ITFG1: variants seen among roughly 807,000 people sequenced by gnomAD.
The protein encoded by ITFG1 is integrin alpha FG-GAP repeat containing 1, also known as T-cell immunomodulatory protein.
ITFG1 carries 34 observed loss-of-function variants against 81.8 expected under a neutral mutation model. That is an observed-to-expected ratio of 0.42 (90% CI 0.32 to 0.55). The LOEUF (loss-of-function observed/expected upper bound fraction) is 0.55, where lower values mean the gene tolerates loss of function less well. Ranked by LOEUF, ITFG1 falls within the 20% of genes least tolerant of loss-of-function variation. The pLI is 0.17. For missense variants in ITFG1, 672 were observed against 755.4 expected (o/e 0.89, Z 1.29); for synonymous variants, 285 against 270.6 (o/e 1.05, Z -0.52).
chr16:47,254,108 G>A (rs1245082214), intron 12 of ITFG1, among the ~76,000 whole-genome samples: 3 of 151,904 alleles, frequency 2.0e-5, no homozygotes, highest in Non-Finnish European at 4.4e-5. Context: ...GCATTATGAG[G>A]AGGTGAGGTC....
At chr16:47,338,998 A>G (rs1005684871) in intron 8 of ITFG1, among the ~76,000 whole-genome samples, 6 of 152,154 alleles carry the variant, frequency 3.9e-5, no homozygotes, top group African/African-American at 1.2e-4. Context: ...CACGATTTCC[A>G]TGAGTTCACA....
chr16:47,165,245 G>A (rs1228600548), intron 14 of ITFG1, among the ~76,000 whole-genome samples: 5 of 151,940 alleles, frequency 3.3e-5, no homozygotes, highest in South Asian at 2.1e-4. Flanking sequence ...ATATTCAAGG[G>A]GACTCTGCTA....
intron 6 of ITFG1, among the ~76,000 whole-genome samples, chr16:47,421,710 G>A (rs1008865745): frequency 2.0e-5 from 3 of 152,114 alleles, no homozygotes; most frequent in African/African-American, 7.2e-5. Context: ...TTAAGTTCTA[G>A]GGTACATGTG....
intron 10 of ITFG1, among the ~76,000 whole-genome samples, chr16:47,266,726 T>C (rs1440642804): frequency 1.3e-5 from 2 of 152,208 alleles, no homozygotes; most frequent in Admixed American, 6.5e-5. Context: ...AATGAAAACA[T>C]GGCTACACAG....
At chr16:47,460,331 C>T (rs1339057926) in intron 1 of ITFG1, among the ~76,000 whole-genome samples, 1 of 152,082 alleles carries the variant, frequency 6.6e-6, no homozygotes, top group Non-Finnish European at 1.5e-5. Flanking sequence ...GTGGCCTTGA[C>T]AAAGAAAGGG....
At chr16:47,305,278 G>T (rs1478566139) in intron 10 of ITFG1, among the ~76,000 whole-genome samples, 1 of 152,116 alleles carries the variant, frequency 6.6e-6, no homozygotes, top group Non-Finnish European at 1.5e-5. Context: ...TATTTTCTGG[G>T]TTGCTTTCAC....
At chr16:47,451,522 AATTTAG>A (rs1969389814) in intron 4 of ITFG1, 52 bp from the exon 5 acceptor site, 2 of 984,752 alleles carry the variant, frequency 2.0e-6, no homozygotes, top group Non-Finnish European at 3.2e-6. Flanking sequence ...TCTTACTTCT[AATTTAG>A]CTTTAAAAGA....
intron 8 of ITFG1, among the ~76,000 whole-genome samples, chr16:47,355,020 A>C (rs1968019248): frequency 6.6e-6 from 1 of 152,138 alleles, no homozygotes. Flanking sequence ...CTATCATATG[A>C]TTCAGCAATC....
chr16:47,176,415 A>G (rs1359454491), intron 14 of ITFG1, among the ~76,000 whole-genome samples: 1 of 152,232 alleles, frequency 6.6e-6, no homozygotes, highest in African/African-American at 2.4e-5. Context: ...AAGCTGGATA[A>G]TAACAGGAAT....
intron 10 of ITFG1, among the ~76,000 whole-genome samples, chr16:47,284,832 C>T (rs1215663954): frequency 6.6e-6 from 1 of 152,170 alleles, no homozygotes; most frequent in Non-Finnish European, 1.5e-5. Context: ...TAAGTTTGTA[C>T]ATGAAAACCC....
chr16:47,236,097 T>C (rs1965870662), intron 13 of ITFG1, among the ~76,000 whole-genome samples: 1 of 152,202 alleles, frequency 6.6e-6, no homozygotes, highest in Non-Finnish European at 1.5e-5. Context: ...CTTATGTGAC[T>C]TTCCAAATGA....
intron 14 of ITFG1, among the ~76,000 whole-genome samples, chr16:47,199,983 G>A (rs1167251455): frequency 7.5e-6 from 1 of 134,144 alleles, no homozygotes; most frequent in East Asian, 2.0e-4. Context: ...CTGACAGGAG[G>A]TGGAGCTCAG....
At chr16:47,425,336 C>T (rs1452138445) in intron 6 of ITFG1, among the ~76,000 whole-genome samples, 2 of 152,156 alleles carry the variant, frequency 1.3e-5, no homozygotes, top group Admixed American at 1.3e-4. Flanking sequence ...ACTGTTTCTC[C>T]AGGTACAGTC....
chr16:47,196,957 A>G (rs1965365635), intron 14 of ITFG1, among the ~76,000 whole-genome samples: 1 of 152,058 alleles, frequency 6.6e-6, no homozygotes, highest in Admixed American at 6.6e-5. Flanking sequence ...CAAAACAACA[A>G]CAACAAAATT....
At chr16:47,206,498 T>G (rs1965501578) in intron 14 of ITFG1, among the ~76,000 whole-genome samples, 5 of 152,214 alleles carry the variant, frequency 3.3e-5, no homozygotes, top group African/African-American at 1.2e-4. Flanking sequence ...GACCTCAATA[T>G]GAAACTCCAT....
At chr16:47,273,248 G>A (rs748550077) in intron 10 of ITFG1, among the ~76,000 whole-genome samples, 27 of 151,752 alleles carry the variant, frequency 1.8e-4, no homozygotes, top group Non-Finnish European at 3.4e-4. Context: ...GTGGGGATAC[G>A]TCTGTCTTAC....
chr16:47,443,620 C>T (rs888992682), intron 5 of ITFG1, among the ~76,000 whole-genome samples: 18 of 152,046 alleles, frequency 1.2e-4, no homozygotes, highest in Non-Finnish European at 2.4e-4. Flanking sequence ...AAGCTGGAAA[C>T]CATCACTCTC....
intron 13 of ITFG1, among the ~76,000 whole-genome samples, chr16:47,227,730 T>G (rs551459399): frequency 6.6e-6 from 1 of 152,270 alleles, no homozygotes; most frequent in African/African-American, 2.4e-5. Context: ...AATCATTGGC[T>G]CTGGATGATG....
intron 10 of ITFG1, chr16:47,299,682 T>TTGCTCTCA (rs1967043487): frequency 6.6e-6 from 1 of 152,358 alleles, no homozygotes; most frequent in South Asian, 2.1e-4. Flanking sequence ...GAGACCTGCC[T>TTGCTCTCA]TGCTCTCATG....
Sources: allele counts gnomAD v4.1 joint callset (sites outside exome capture counted in the v4.1 genomes callset), GRCh38; gene constraint gnomAD v4.1.1; transcripts MANE v1.5; gene names NCBI Gene and HGNC (gene_info 2026-07-23, HGNC 2026-07-21).